Variants in CWH43 observed in about 807,000 individuals in gnomAD.
CWH43 encodes the protein PGAP2-interacting protein.
In CWH43, 91 loss-of-function variants were observed where a neutral mutation model predicts 85.7. The observed-to-expected ratio is 1.06, with a 90% CI of 0.90 to 1.26. The LOEUF is 1.26. Among genes scored for constraint, CWH43 ranks in the 50% most tolerant of loss-of-function variants. The pLI is 0.00. For synonymous variants in CWH43, 323 were observed against 293.6 expected, an observed-to-expected ratio of 1.10 and a Z score of -1.02; for missense variants, 869 against 839.2, an observed-to-expected ratio of 1.04 and a Z score of -0.44.
At chr4:49,014,329 C>T (rs185364480) in intron 8 of CWH43, among the ~76,000 whole-genome samples, 172 of 152,022 alleles carry the variant, frequency 1.1e-3, no homozygotes, top group Non-Finnish European at 2.0e-3. Context: ...GGTGCACCTG[C>T]AGTCCCAGTA....
chr4:48,988,341 A>G, intron 1 of CWH43, 136 bp from the exon 2 acceptor site: 1 of 578,538 alleles, frequency 1.7e-6, no homozygotes, highest in South Asian at 2.9e-5. Context: ...GTCAGTGGAG[A>G]CAACTGGAAC....
chr4:49,056,182 T>TG (rs1439081399), intron 15 of CWH43, among the ~76,000 whole-genome samples: 1 of 150,434 alleles, frequency 6.6e-6, no homozygotes, highest in Non-Finnish European at 1.5e-5. Context: ...TTTTTGTTCT[T>TG]GCGATAGTTT....
intron 15 of CWH43, among the ~76,000 whole-genome samples, chr4:49,053,376 C>G (rs1381912734): frequency 6.6e-6 from 1 of 152,084 alleles, no homozygotes; most frequent in Non-Finnish European, 1.5e-5. Flanking sequence ...TAATGTTTTC[C>G]ATAATATGGC....
At chr4:48,991,319 A>G in intron 2 of CWH43, 135 bp from the exon 3 acceptor site, 2 of 820,066 alleles carry the variant, frequency 2.4e-6, no homozygotes, top group Non-Finnish European at 3.7e-6. Context: ...AATTTTAAAT[A>G]CATATATAAA....
At chr4:48,999,752 A>G (rs995878371) in intron 6 of CWH43, among the ~76,000 whole-genome samples, 5 of 152,192 alleles carry the variant, frequency 3.3e-5, no homozygotes, top group African/African-American at 1.2e-4. Context: ...GAGTTCCATG[A>G]TGAAGCTCCA....
chr4:49,001,478 T>A (rs1216019733), intron 6 of CWH43, among the ~76,000 whole-genome samples: 1 of 152,064 alleles, frequency 6.6e-6, no homozygotes, highest in African/African-American at 2.4e-5. Context: ...TATACTGTCA[T>A]TGGTGTACAA....
chr4:48,997,225 C>CT (rs35408755), intron 5 of CWH43, among the ~76,000 whole-genome samples: 88,954 of 145,198 alleles, frequency 0.61, 29,099 homozygotes, highest in Middle Eastern at 0.78. Context: ...TAACTTAAAA[C>CT]TTTTTTTTTT....
intron 8 of CWH43, among the ~76,000 whole-genome samples, chr4:49,015,347 G>T (rs573351395): frequency 2.1e-4 from 31 of 150,854 alleles, no homozygotes; most frequent in African/African-American, 6.8e-4. Flanking sequence ...TTTAGTAGTT[G>T]GTTGTTTTTC....
rs1316520153 is a variant in CWH43 at position 49,028,684 on chromosome 4, A to G, written c.1322A>G (p.Asn441Ser). The G allele has an allele frequency of 5.6e-6, 9 of 1,613,968 alleles. No homozygotes were observed. The highest frequency in any genetic ancestry group is 7.6e-6 in the Non-Finnish European group (9 of 1,179,864). Residue 441 changes from asparagine to serine, a missense_variant, in exon 10 of 16, where the codon AAT becomes AGT. Coordinates refer to ENST00000226432, the MANE Select transcript of CWH43 (RefSeq NM_025087.3). ...TGGCCTTTCAGGTTTGGATATGACA[A>G]TGAAGGGTGGTCTAGTCTAGAAAGA... is the stretch of plus-strand genomic sequence containing the variant. ...AIWPFRFGYD[N>S]EGWSSLERSA...
intron 8 of CWH43, among the ~76,000 whole-genome samples, chr4:49,012,255 T>G (rs1322685023): frequency 6.6e-6 from 1 of 152,210 alleles, no homozygotes; most frequent in East Asian, 1.9e-4. Flanking sequence ...TCCTTCCACT[T>G]GATCAAATCA....
intron 11 of CWH43, chr4:49,031,172 C>T: frequency 2.1e-6 from 1 of 466,230 alleles, no homozygotes; most frequent in Non-Finnish European, 3.7e-6. Flanking sequence ...GCATTATAAA[C>T]CAATCAATCT....
chr4:49,047,293 C>A (rs930136396), intron 14 of CWH43, among the ~76,000 whole-genome samples: 7 of 152,084 alleles, frequency 4.6e-5, no homozygotes, highest in Admixed American at 3.9e-4. Flanking sequence ...CAACAAGTAT[C>A]GATCTAGCAG....
intron 1 of CWH43, 45 bp downstream of exon 1, chr4:48,986,517 CG>C: frequency 6.5e-7 from 1 of 1,549,322 alleles, no homozygotes; most frequent in Non-Finnish European, 8.7e-7. Context: ...GCCAGCTCCC[CG>C]GGCCATGTCC....
intron 15 of CWH43, among the ~76,000 whole-genome samples, chr4:49,054,603 G>A (rs1219079975): frequency 2.0e-5 from 3 of 152,100 alleles, no homozygotes; most frequent in Non-Finnish European, 4.4e-5. Context: ...TTGGTAGTAT[G>A]AATATTTTAA....
intron 5 of CWH43, 111 bp from the exon 6 acceptor site, chr4:48,998,349 A>G: frequency 1.3e-6 from 1 of 779,458 alleles, no homozygotes; most frequent in South Asian, 1.7e-5. Context: ...GTTGTTTCAC[A>G]CACGTTATCT....
chr4:49,056,404 G>C (rs1388233924), intron 15 of CWH43, among the ~76,000 whole-genome samples: 1 of 152,018 alleles, frequency 6.6e-6, no homozygotes, highest in African/African-American at 2.4e-5. Flanking sequence ...TTGGTAGATT[G>C]TTACTATGAA....
chr4:49,004,563 AT>A (rs1224432333), intron 7 of CWH43, among the ~76,000 whole-genome samples: 1 of 152,056 alleles, frequency 6.6e-6, no homozygotes, highest in African/African-American at 2.4e-5. Context: ...AATTTAAAAA[AT>A]TTTTTGTAGA....
intron 12 of CWH43, among the ~76,000 whole-genome samples, chr4:49,036,421 A>T (rs1784264694): frequency 6.6e-6 from 1 of 152,204 alleles, no homozygotes; most frequent in South Asian, 2.1e-4. Context: ...GGGGTTTAAC[A>T]AATGGCCGTC....
chr4:49,053,964 G>A (rs542982015), intron 15 of CWH43, among the ~76,000 whole-genome samples: 1 of 152,232 alleles, frequency 6.6e-6, no homozygotes, highest in South Asian at 2.1e-4. Flanking sequence ...CCCATAGGTT[G>A]TCTCTTCAGT....
Sources: allele counts gnomAD v4.1 joint callset (sites outside exome capture counted in the v4.1 genomes callset), GRCh38; gene constraint gnomAD v4.1.1; transcripts MANE v1.5; gene names NCBI Gene and HGNC (gene_info 2026-07-23, HGNC 2026-07-21).